Variants in RAPH1 observed in about 807,000 individuals in gnomAD.
The protein encoded by RAPH1 is Ras association (RalGDS/AF-6) and pleckstrin homology domains 1.
A neutral mutation model predicts 88.1 loss-of-function variants in RAPH1; 18 were observed. The observed-to-expected ratio is 0.20, with a 90% CI of 0.14 to 0.30. The LOEUF is 0.30. Ranked by LOEUF, RAPH1 falls within the 10% of genes least tolerant of loss-of-function variation. RAPH1 has a pLI of 1.00. For missense variants in RAPH1, 1,448 were observed against 1,543.2 expected (o/e 0.94, Z 1.03); for synonymous variants, 587 against 559.0 (o/e 1.05, Z -0.71).
rs771972039 is a variant in RAPH1 at position 203,441,198 on chromosome 2, G to A, written c.1992C>T (p.Phe664=). 2.0e-5 allele frequency: 32 copies of A among 1,593,534 alleles called. No homozygotes were observed. Among genetic ancestry groups the A allele is most frequent in the South Asian group, 7.7e-5 (7 of 90,582 alleles). The change falls in exon 14 of 14, where the codon TTC becomes TTT. Residue 664 remains phenylalanine, a synonymous_variant. Coordinates refer to ENST00000319170, the MANE Select transcript of RAPH1 (RefSeq NM_213589.3). ...GCCGTGTTATTGTGCTGTACTTGAC[G>A]AACATTGGGGCTGCTGAGCCTGCAG... ...APSAGSAAPM[F]VKYSTITRLQ...
intron 7 of RAPH1, among the ~76,000 whole-genome samples, chr2:203,457,874 G>A (rs1227336183): frequency 6.6e-6 from 1 of 152,154 alleles, no homozygotes; most frequent in East Asian, 1.9e-4. Context: ...TTCAACAGCT[G>A]GCAAATATGT....
chr2:203,533,141 A>G (rs565901853), intron 1 of RAPH1, among the ~76,000 whole-genome samples: 2 of 152,280 alleles, frequency 1.3e-5, no homozygotes, highest in South Asian at 2.1e-4. Context: ...AACACACCCA[A>G]TAGTGCCCAC....
At chr2:203,482,090 G>C (rs1687756764) in intron 4 of RAPH1, among the ~76,000 whole-genome samples, 1 of 152,010 alleles carries the variant, frequency 6.6e-6, no homozygotes, top group Non-Finnish European at 1.5e-5. Context: ...GATTATTGGG[G>C]GGGTTTATTT....
rs2098503716 is a variant in RAPH1 at position 203,441,258 on chromosome 2, GGGTGGTGGAGGGGGT to G, written c.1917_1931del (p.Pro644_Pro648del). 2.3e-6 allele frequency: 3 copies of G among 1,293,662 alleles called. No homozygotes were observed. The highest frequency in any genetic ancestry group is 1.5e-5 in the African/African-American group (1 of 65,120). The allele number at this position is 1,293,662 out of a possible 1,614,324, so 80.1% of individuals were successfully genotyped here. The stretch of plus-strand genomic sequence containing the variant: ...ACTGGCTGGGGAGTGGGGGAGGAGG[GGGTGGTGGAGGGGGT>G]GGTGGAGGAGGAGGTGGGGGTGGCG... On this transcript the variant is annotated inframe_deletion, in exon 14 of 14. Transcript: ENST00000319170.
chr2:203,501,153 GA>G (rs1353387013), intron 1 of RAPH1, among the ~76,000 whole-genome samples: 5 of 151,244 alleles, frequency 3.3e-5, no homozygotes, highest in African/African-American at 1.2e-4. Context: ...GAAACAATAA[GA>G]AAAAAAATGT....
intron 4 of RAPH1, among the ~76,000 whole-genome samples, chr2:203,471,977 C>T (rs2469949): frequency 0.1 from 15,669 of 152,004 alleles, 1,635 homozygotes; most frequent in African/African-American, 0.27. Flanking sequence ...CTGATTGGCT[C>T]CTCCATAAAG....
chr2:203,482,316 G>A (rs1687766393), intron 4 of RAPH1, among the ~76,000 whole-genome samples: 1 of 152,130 alleles, frequency 6.6e-6, no homozygotes, highest in Admixed American at 6.5e-5. Context: ...CTCCCAAGTA[G>A]CTGGGATTAC....
intron 1 of RAPH1, among the ~76,000 whole-genome samples, chr2:203,527,577 T>C (rs941245332): frequency 6.6e-6 from 1 of 151,978 alleles, no homozygotes; most frequent in African/African-American, 2.4e-5. Context: ...GGTGGGCGGA[T>C]CACCTGAGGT....
chr2:203,449,227 G>T (rs948796864), intron 10 of RAPH1, among the ~76,000 whole-genome samples: 1 of 152,204 alleles, frequency 6.6e-6, no homozygotes, highest in Non-Finnish European at 1.5e-5. Context: ...AATTATGGGT[G>T]CAGAAGACTC....
intron 4 of RAPH1, among the ~76,000 whole-genome samples, chr2:203,467,346 T>C (rs533772948): frequency 6.6e-6 from 1 of 152,176 alleles, no homozygotes; most frequent in African/African-American, 2.4e-5. Context: ...ATCCCAGCAC[T>C]TTGGGAGGCT....
At chr2:203,499,668 G>A (rs759068886) in intron 1 of RAPH1, among the ~76,000 whole-genome samples, 2 of 152,052 alleles carry the variant, frequency 1.3e-5, no homozygotes, top group Admixed American at 6.5e-5. Context: ...AGCCAAGATC[G>A]TGCCATTGCT....
chr2:203,443,063 C>T (rs538415960), intron 13 of RAPH1: 1 of 152,122 alleles, frequency 6.6e-6, no homozygotes, highest in African/African-American at 2.4e-5. Context: ...GAATTTAGAT[C>T]GTTAGAACCA....
chr2:203,446,571 C>T (rs2098509865), intron 12 of RAPH1: 1 of 152,210 alleles, frequency 6.6e-6, no homozygotes, highest in South Asian at 2.1e-4. Context: ...CAGTTCTCTC[C>T]TCTTCCCCAT....
At position 203,535,241 on chromosome 2, in the gene RAPH1, C is replaced by G. The variant is rs1214450846; in HGVS notation, c.-131G>C. 6.6e-6 allele frequency: 1 copy of G among 151,784 alleles called. No individual in the cohort carries two copies. Among genetic ancestry groups the G allele is most frequent in the Non-Finnish European group, 1.5e-5 (1 of 67,940 alleles). The allele number at this position is 151,784 out of a possible 1,614,324, so 9.4% of individuals were successfully genotyped here. On this transcript the variant is annotated 5_prime_UTR_variant, in exon 1 of 14. Coordinates refer to ENST00000319170, the MANE Select transcript of RAPH1 (RefSeq NM_213589.3). ...AGAGACGCAGCGACTGCCAGCAGCT[C>G]CCGCGCCGCGCGCTCAGTGACTGAC...
intron 4 of RAPH1, among the ~76,000 whole-genome samples, chr2:203,487,919 TTAAA>T (rs1458202245): frequency 1.3e-5 from 2 of 152,122 alleles, no homozygotes; most frequent in African/African-American, 2.4e-5. Flanking sequence ...ATCCAAAGAA[TTAAA>T]TAAGTTACGA....
chr2:203,516,083 A>G (rs1193037048), intron 1 of RAPH1, among the ~76,000 whole-genome samples: 1 of 152,254 alleles, frequency 6.6e-6, no homozygotes, highest in Admixed American at 6.5e-5. Flanking sequence ...GTATGCTTAC[A>G]TATAAGTGAA....
At chr2:203,474,337 G>A (rs1161772455) in intron 4 of RAPH1, among the ~76,000 whole-genome samples, 1 of 152,122 alleles carries the variant, frequency 6.6e-6, no homozygotes, top group Non-Finnish European at 1.5e-5. Context: ...TTGCAAGCAT[G>A]GTACAATGTC....
rs1321548060 is a variant in RAPH1, at chr2:203,441,178, G to A, written c.2012C>T (p.Thr671Ile). ...APMFVKYSTI[T>I]RLQNASQHSG... ...ATGCTGAGACGCATTCTGTAGCCGT[G>A]TTATTGTGCTGTACTTGACGAACAT... The change falls in exon 14 of 14, where the codon ACA becomes ATA. Residue 671 changes from threonine (T) to isoleucine (I), a missense_variant. Thr to Ile is a moderately conservative substitution (Grantham distance 89, BLOSUM62 -1). Transcript: ENST00000319170. 3.7e-6 allele frequency: 6 copies of A among 1,610,336 alleles called. No individual in the cohort carries two copies. Among genetic ancestry groups the A allele is most frequent in the Non-Finnish European group, 5.1e-6 (6 of 1,179,012 alleles).
At chr2:203,441,506 C>T in intron 13 of RAPH1, 93 bp from the exon 14 acceptor site, 1 of 1,429,302 alleles carries the variant, frequency 7.0e-7, no homozygotes. Flanking sequence ...AACTAAAAAG[C>T]AGGGAGTCTG....
Sources: gnomAD v4.1 joint callset for allele counts (sites outside exome capture counted in the v4.1 genomes callset) on GRCh38, gnomAD v4.1.1 for gene constraint, MANE v1.5 for transcripts, NCBI Gene and HGNC (gene_info 2026-07-23, HGNC 2026-07-21) for gene names.